Variants in HLCS observed in about 807,000 individuals in gnomAD.
HLCS encodes the protein biotin--protein ligase.
A neutral mutation model predicts 75.0 loss-of-function variants in HLCS; 53 were observed. The observed-to-expected ratio is 0.71, with a 90% CI of 0.57 to 0.89. The LOEUF is 0.89. Ranked by LOEUF, HLCS falls within the 40% of genes least tolerant of loss-of-function variation. The pLI is 0.00. For synonymous variants in HLCS, 431 were observed against 428.6 expected (o/e 1.01, Z -0.07); for missense variants, 966 against 1,074.0 (o/e 0.90, Z 1.41).
chr21:36,798,064 TG>T (rs1430970586), intron 6 of HLCS, among the ~76,000 whole-genome samples: 1 of 152,100 alleles, frequency 6.6e-6, no homozygotes, highest in African/African-American at 2.4e-5. Flanking sequence ...TTGAAGGAAG[TG>T]AGAGACTCGG....
intron 6 of HLCS, among the ~76,000 whole-genome samples, chr21:36,799,171 G>A (rs749265719): frequency 4.5e-4 from 68 of 152,074 alleles, no homozygotes; most frequent in Non-Finnish European, 7.9e-4. Context: ...TCTATGATCC[G>A]TTTTGACTTA....
intron 6 of HLCS, among the ~76,000 whole-genome samples, chr21:36,824,955 C>T (rs889665229): frequency 5.9e-5 from 9 of 152,198 alleles, no homozygotes; most frequent in African/African-American, 7.2e-5. Flanking sequence ...CACTCACTTG[C>T]GACCTTGTTT....
rs2089356453 is a variant in HLCS at position 36,751,295 on chromosome 21, G to GCTC, written c.*2950_*2951insGAG. 1 of 152,638 alleles carries GCTC rather than the reference G, an allele frequency of 6.6e-6. No individual in the cohort carries two copies. Among genetic ancestry groups the GCTC allele is most frequent in the East Asian group, 1.9e-4 (1 of 5,204 alleles). The allele number at this position is 152,638 out of a possible 1,614,324, so 9.5% of individuals were successfully genotyped here. A position where few individuals can be genotyped will look rare whatever the true frequency, so the allele number is the denominator to read the frequency against. On this transcript the variant is annotated 3_prime_UTR_variant, in exon 11 of 11. Coordinates refer to ENST00000674895, the MANE Select transcript of HLCS (RefSeq NM_001352514.2). ...CCTTTGAGAAGTTAAAATTGCAGAG[G>GCTC]CTTACGCTTTCTTTTATTTCAAATA...
intron 7 of HLCS, among the ~76,000 whole-genome samples, chr21:36,766,792 C>A (rs893790382): frequency 3.3e-5 from 5 of 152,144 alleles, no homozygotes; most frequent in Non-Finnish European, 7.4e-5. Flanking sequence ...CATGTACATG[C>A]AAGCCCAGCC....
In HLCS at chr21:36,749,953, A is replaced by G. The variant is rs1257836055; in HGVS notation, c.*4293T>C. 6.6e-6 allele frequency: 1 copy of G among 152,254 alleles called. No individual in the cohort carries two copies. The highest frequency in any genetic ancestry group is 1.5e-5 in the Non-Finnish European group (1 of 68,038). The allele number at this position is 152,254 out of a possible 1,614,324, so 9.4% of individuals were successfully genotyped here. Reference sequence around the variant, plus strand: ...GACAGGCGTAACAGAGTGTGTATGTACTTGAAAATGTGTACTAGTGAAAAC... The same window carrying G: ...GACAGGCGTAACAGAGTGTGTATGTGCTTGAAAATGTGTACTAGTGAAAAC... On this transcript the variant is annotated 3_prime_UTR_variant, in exon 11 of 11. Transcript: ENST00000674895.
rs374993124 is a variant in HLCS, at chr21:36,855,270, CCTGTAATCCCAG to C, written c.1892+41578_1892+41589del. The stretch of plus-strand genomic sequence containing the variant: ...AGTTGGCCACGCATGGTGGCTCACG[CCTGTAATCCCAG>C]CACTTTGGGAGGCCAAAGCGGGTGG... On this transcript the variant is annotated intron_variant, in intron 6 of 10. Coordinates refer to ENST00000674895, the MANE Select transcript of HLCS (RefSeq NM_001352514.2). Among the ~76,000 whole-genome samples, 7 of 152,116 alleles carry C rather than the reference CCTGTAATCCCAG, an allele frequency of 4.6e-5. 1 individual carries two copies. Among genetic ancestry groups the C allele is most frequent in the African/African-American group, 1.7e-4 (7 of 41,500 alleles).
At chr21:36,979,044 C>CAGAT (rs2069026911) in intron 1 of HLCS, among the ~76,000 whole-genome samples, 1 of 151,904 alleles carries the variant, frequency 6.6e-6, no homozygotes, top group Non-Finnish European at 1.5e-5. Flanking sequence ...CTGAGGCGGG[C>CAGAT]AGATCATGAG....
At chr21:36,912,170 A>G (rs2065746658) in intron 5 of HLCS, among the ~76,000 whole-genome samples, 1 of 152,132 alleles carries the variant, frequency 6.6e-6, no homozygotes, top group Non-Finnish European at 1.5e-5. Context: ...GGACCCAGAT[A>G]TGTGTGTGCC....
chr21:36,915,084 C>T lies in HLCS; in HGVS notation c.1620+15167G>A, dbSNP rs541998090. On this transcript the variant is annotated intron_variant, in intron 5 of 10. Transcript: ENST00000674895. ...ATGCTGACATGTCCCCCCGCCCCAC[C>T]ATCCTCAGCTATTTGCCTGTTACCT... Among the ~76,000 whole-genome samples the T allele has an allele frequency of 7.9e-4, 120 of 152,310 alleles. 1 individual carries two copies. The highest frequency in any genetic ancestry group is 6.8e-3 in the Middle Eastern group (2 of 294).
At chr21:36,886,296 G>A (rs1015113347) in intron 6 of HLCS, among the ~76,000 whole-genome samples, 1 of 151,982 alleles carries the variant, frequency 6.6e-6, no homozygotes, top group Admixed American at 6.5e-5. Context: ...AGCCGGGCGT[G>A]GTAGCAGGTG....
intron 6 of HLCS, among the ~76,000 whole-genome samples, chr21:36,882,392 A>T (rs2064259915): frequency 6.6e-6 from 1 of 152,120 alleles, no homozygotes; most frequent in Non-Finnish European, 1.5e-5. Flanking sequence ...TGCTGTGTCA[A>T]AATGGCAGGC....
chr21:36,839,892 C>T (rs1286437131), intron 6 of HLCS, among the ~76,000 whole-genome samples: 1 of 152,212 alleles, frequency 6.6e-6, no homozygotes, highest in Non-Finnish European at 1.5e-5. Context: ...ACATTTATTT[C>T]GCTGGAGGCC....
At chr21:36,890,090 C>T (rs975476830) in intron 6 of HLCS, among the ~76,000 whole-genome samples, 4 of 152,138 alleles carry the variant, frequency 2.6e-5, no homozygotes, top group African/African-American at 4.8e-5. Flanking sequence ...ATTCTCCTGC[C>T]TGCCGCCTTG....
chr21:36,779,638 T>A (rs2060467906), intron 6 of HLCS, among the ~76,000 whole-genome samples: 1 of 152,346 alleles, frequency 6.6e-6, no homozygotes, highest in Non-Finnish European at 1.5e-5. Context: ...CAATATTTGT[T>A]TACAGTTTTT....
intron 2 of HLCS, chr21:36,947,694 G>A: frequency 1.0e-6 from 1 of 985,454 alleles, no homozygotes. Context: ...CAGCAGGCAA[G>A]GCATATCTTC....
At chr21:36,863,283 A>G (rs1406226023) in intron 6 of HLCS, among the ~76,000 whole-genome samples, 1 of 152,140 alleles carries the variant, frequency 6.6e-6, no homozygotes, top group Admixed American at 6.5e-5. Context: ...AAACAGGGAG[A>G]TTCCACCTGG....
At chr21:36,912,869 C>T (rs2065779956) in intron 5 of HLCS, among the ~76,000 whole-genome samples, 1 of 152,184 alleles carries the variant, frequency 6.6e-6, no homozygotes, top group South Asian at 2.1e-4. Context: ...TCCCTCCTTG[C>T]TGTCCCTGAG....
rs557962798 is a variant in HLCS at position 36,907,553 on chromosome 21, G to A, written c.1621-10422C>T. On this transcript the variant is annotated intron_variant, in intron 5 of 10. Transcript: ENST00000674895. Reference sequence around the variant, plus strand: ...AACCTGTAATCCCAGCTACTTAGGAGGCTGAGGCAGCAGAATTGCTTCAAC... The same window carrying A: ...AACCTGTAATCCCAGCTACTTAGGAAGCTGAGGCAGCAGAATTGCTTCAAC... 3.3e-5 allele frequency among the ~76,000 whole-genome samples: 5 copies of A among 152,264 alleles called. No homozygotes were observed. In the East Asian group the frequency reaches 5.8e-4, roughly 18 times the overall value.
intron 6 of HLCS, among the ~76,000 whole-genome samples, chr21:36,886,056 T>C (rs1427308183): frequency 6.6e-6 from 1 of 151,078 alleles, no homozygotes; most frequent in Non-Finnish European, 1.5e-5. Flanking sequence ...TTTTCTACCA[T>C]GTTATCTACT....
Sources: gnomAD v4.1 joint callset for allele counts (sites outside exome capture counted in the v4.1 genomes callset) on GRCh38, gnomAD v4.1.1 for gene constraint, MANE v1.5 for transcripts, NCBI Gene and HGNC (gene_info 2026-07-23, HGNC 2026-07-21) for gene names.